ADK: variants seen among roughly 807,000 people sequenced by gnomAD.
The protein encoded by ADK is N6,N6-dimethyladenosine kinase.
Under a neutral mutation model 44.7 loss-of-function variants are expected in ADK, and 24 were observed. The observed-to-expected ratio is 0.54, with a 90% CI of 0.39 to 0.76. The LOEUF is 0.76. ADK is among the 30% of genes least tolerant of loss of function. The probability of loss-of-function intolerance (pLI) is 0.00; values close to 1 mark genes in which losing one functional copy is unlikely to be tolerated. For missense variants in ADK, 321 were observed against 425.1 expected (o/e 0.76, Z 2.15); for synonymous variants, 128 against 142.6 (o/e 0.90, Z 0.73).
intron 7 of ADK, among the ~76,000 whole-genome samples, chr10:74,540,226 CAAGTA>C (rs1181767330): frequency 1.3e-5 from 2 of 152,076 alleles, no homozygotes; most frequent in East Asian, 3.9e-4. Flanking sequence ...TAAATACACT[CAAGTA>C]AAGAAAAACA....
intron 10 of ADK, among the ~76,000 whole-genome samples, chr10:74,705,328 C>G (rs943358684): frequency 1.3e-5 from 2 of 152,230 alleles, no homozygotes; most frequent in African/African-American, 4.8e-5. Flanking sequence ...GGGAAGGTAG[C>G]CCAGATTCTT....
At chr10:74,342,116 G>A (rs11001004) in intron 4 of ADK, among the ~76,000 whole-genome samples, 97,973 of 151,892 alleles carry the variant, frequency 0.65, 32,903 homozygotes, top group Middle Eastern at 0.79. Flanking sequence ...TCCCTCCTTG[G>A]CTATTTTGGG....
chr10:74,387,421 A>C (rs1843182755), intron 4 of ADK, among the ~76,000 whole-genome samples: 1 of 152,220 alleles, frequency 6.6e-6, no homozygotes, highest in African/African-American at 2.4e-5. Flanking sequence ...AATCATTAGG[A>C]AATAAACACT....
At chr10:74,313,245 T>C (rs892592346) in intron 3 of ADK, among the ~76,000 whole-genome samples, 24 of 152,146 alleles carry the variant, frequency 1.6e-4, no homozygotes, top group Middle Eastern at 3.2e-3. Context: ...ATGGGCACTT[T>C]TAACTTTTTT....
intron 6 of ADK, among the ~76,000 whole-genome samples, chr10:74,406,519 AT>A (rs1843933907): frequency 1.9e-5 from 1 of 53,530 alleles, no homozygotes; most frequent in African/African-American, 6.6e-5. Context: ...AATAATAATA[AT>A]AATAATAAGA....
chr10:74,311,469 C>T (rs931677886), intron 3 of ADK, among the ~76,000 whole-genome samples: 2 of 152,186 alleles, frequency 1.3e-5, no homozygotes, highest in African/African-American at 4.8e-5. Context: ...TTTCCACCTA[C>T]TATTATTTAT....
At chr10:74,681,075 A>G (rs1855585745) in intron 10 of ADK, among the ~76,000 whole-genome samples, 1 of 152,236 alleles carries the variant, frequency 6.6e-6, no homozygotes, top group African/African-American at 2.4e-5. Flanking sequence ...GGGCATAAGC[A>G]CAGCTTCACA....
At chr10:74,276,924 CT>C (rs56710186) in intron 3 of ADK, among the ~76,000 whole-genome samples, 95,025 of 147,498 alleles carry the variant, frequency 0.64, 31,545 homozygotes, top group Middle Eastern at 0.82. Context: ...TTTCAAATAT[CT>C]TTTTTTTTTT....
rs1591888456 is a variant in ADK, at chr10:74,224,693, G to C, written c.194+102G>C. ...ATTTTCAAAATTATATAATGACAAA[G>C]TATAATTAACACTATGACCTTAATC... On this transcript the variant is annotated intron_variant, in intron 3 of 10. Coordinates refer to ENST00000539909, the MANE Select transcript of ADK (RefSeq NM_006721.4). 9.8e-6 allele frequency: 9 copies of C among 920,204 alleles called. No homozygotes were observed. In the East Asian group the frequency reaches 2.4e-4, roughly 25 times the overall value. 57.0% of individuals were successfully genotyped at this position (920,204 alleles called of 1,614,324 possible). A position where few individuals can be genotyped will look rare whatever the true frequency, so the allele number is the denominator to read the frequency against.
intron 4 of ADK, among the ~76,000 whole-genome samples, chr10:74,334,412 A>T (rs1276307615): frequency 6.6e-6 from 1 of 152,206 alleles, no homozygotes; most frequent in African/African-American, 2.4e-5. Flanking sequence ...TTGCTGATGC[A>T]AACTCACTAC....
intron 7 of ADK, among the ~76,000 whole-genome samples, chr10:74,574,166 C>CTTTTTTT (rs746368755): frequency 7.4e-6 from 1 of 134,922 alleles, no homozygotes; most frequent in African/African-American, 2.7e-5. Context: ...TACTTTCTTT[C>CTTTTTTT]TTTTTTTTTT....
intron 6 of ADK, among the ~76,000 whole-genome samples, chr10:74,456,536 G>A (rs1589128812): frequency 6.6e-6 from 1 of 151,662 alleles, no homozygotes; most frequent in Non-Finnish European, 1.5e-5. Flanking sequence ...GCGTGATGGC[G>A]GGTGCCTGTA....
At chr10:74,480,533 C>T (rs977915948) in intron 6 of ADK, among the ~76,000 whole-genome samples, 2 of 152,136 alleles carry the variant, frequency 1.3e-5, no homozygotes, top group Non-Finnish European at 2.9e-5. Context: ...CCCACCTCAG[C>T]CTCCCAAAGT....
chr10:74,568,646 T>C (rs1850792093), intron 7 of ADK, among the ~76,000 whole-genome samples: 1 of 151,860 alleles, frequency 6.6e-6, no homozygotes, highest in African/African-American at 2.4e-5. Flanking sequence ...TTTCTTTTTT[T>C]TTTTTTTACA....
chr10:74,485,318 C>T (rs1389686174), intron 6 of ADK, among the ~76,000 whole-genome samples: 2 of 151,664 alleles, frequency 1.3e-5, no homozygotes, highest in East Asian at 3.9e-4. Context: ...ATGCATTAGC[C>T]GGGCATGGTG....
chr10:74,155,290 C>A (rs1485429061), intron 1 of ADK, among the ~76,000 whole-genome samples: 5 of 152,020 alleles, frequency 3.3e-5, no homozygotes, highest in Non-Finnish European at 7.4e-5. Context: ...CGAGACCAGT[C>A]TGGGCAACAA....
At chr10:74,498,626 T>A (rs1195927314) in intron 6 of ADK, among the ~76,000 whole-genome samples, 1 of 152,220 alleles carries the variant, frequency 6.6e-6, no homozygotes. Context: ...GCTGCACCCA[T>A]TAACTTGTCA....
At chr10:74,628,581 A>C (rs1853301119) in intron 9 of ADK, among the ~76,000 whole-genome samples, 1 of 151,724 alleles carries the variant, frequency 6.6e-6, no homozygotes, top group Non-Finnish European at 1.5e-5. Flanking sequence ...CTGCTATTCA[A>C]CCAAACCACT....
Position 74,258,538 on chromosome 10 carries a change from A to G in ADK, c.194+33947A>G, listed in dbSNP as rs567534106. On this transcript the variant is annotated intron_variant, in intron 3 of 10. Transcript: ENST00000539909. Reference sequence around the variant, plus strand: ...CTTCAATTATACACTAATCAATTATACACTAATTTAATTCTACTTAGCAGG... The same window carrying G: ...CTTCAATTATACACTAATCAATTATGCACTAATTTAATTCTACTTAGCAGG... Among the ~76,000 whole-genome samples, 16 of 152,288 alleles carry G rather than the reference A, an allele frequency of 1.1e-4. No homozygotes were observed. The South Asian group carries it at 3.3e-3, about 32-fold the overall frequency.
Sources: gnomAD v4.1 joint callset for allele counts (sites outside exome capture counted in the v4.1 genomes callset) on GRCh38, gnomAD v4.1.1 for gene constraint, MANE v1.5 for transcripts, NCBI Gene and HGNC (gene_info 2026-07-23, HGNC 2026-07-21) for gene names.